KIFC3: variants seen among roughly 807,000 people sequenced by gnomAD.
The protein encoded by KIFC3 is kinesin-like protein KIFC3.
In KIFC3, 60 loss-of-function variants were observed where a neutral mutation model predicts 101.8. The ratio of observed to expected loss-of-function variants is 0.59; its 90% CI spans 0.48 to 0.73. The LOEUF is 0.73. KIFC3 is among the 30% of genes least tolerant of loss of function. The pLI, the probability that KIFC3 is intolerant of heterozygous loss-of-function variation, is 0.00. For synonymous variants in KIFC3, 476 were observed against 482.7 expected, an observed-to-expected ratio of 0.99 and a Z score of 0.18; for missense variants, 966 against 1,137.1, an observed-to-expected ratio of 0.85 and a Z score of 2.16.
At chr16:57,855,170 G>A (rs1168486412) in intron 1 of KIFC3, among the ~76,000 whole-genome samples, 1 of 145,450 alleles carries the variant, frequency 6.9e-6, no homozygotes, top group African/African-American at 2.6e-5. Context: ...TGTTGCCCAG[G>A]CTGGAGTGCA....
chr16:57,847,799 TGTGTGA>T (rs1383853779), intron 1 of KIFC3, among the ~76,000 whole-genome samples: 2 of 150,170 alleles, frequency 1.3e-5, no homozygotes, highest in South Asian at 2.1e-4. Context: ...TGTGTGTGTG[TGTGTGA>T]GACCGAGTCT....
rs533683940 is a variant in KIFC3 at position 57,758,705 on chromosome 16, A to G, written c.*229T>C. 2.0e-4 allele frequency: 156 copies of G among 763,144 alleles called. No homozygotes were observed. The highest frequency in any genetic ancestry group is 8.9e-4 in the Middle Eastern group (4 of 4,502). The allele number at this position is 763,144 out of a possible 1,614,324, so 47.3% of individuals were successfully genotyped here. A position where few individuals can be genotyped will look rare whatever the true frequency, so the allele number is the denominator to read the frequency against. On this transcript the variant is annotated 3_prime_UTR_variant, in exon 20 of 20. Coordinates refer to ENST00000445690, the MANE Select transcript of KIFC3 (RefSeq NM_001130100.2). ...CCACCCCCGCCTTTCCGCCCATGCA[A>G]TTTGCACTCAGAGCCACAGCCGAGA...
chr16:57,788,980 C>T (rs2053610253), intron 3 of KIFC3, among the ~76,000 whole-genome samples: 1 of 152,240 alleles, frequency 6.6e-6, no homozygotes, highest in Admixed American at 6.5e-5. Flanking sequence ...TTAGGTACTT[C>T]AAGTTCTCAG....
rs1555597185 is a variant in KIFC3, at chr16:57,761,233, G to A, written c.1873-62C>T. ...AGAATGGGGTCCTCAGAGTCACCTG[G>A]CCCCAAGCACCCATGAGGAGTGGCA... On this transcript the variant is annotated intron_variant, in intron 14 of 19. Coordinates refer to ENST00000445690, the MANE Select transcript of KIFC3 (RefSeq NM_001130100.2). The A allele has an allele frequency of 1.8e-5, 29 of 1,601,210 alleles. No individual in the cohort carries two copies. The East Asian group carries it at 6.5e-4, about 36-fold the overall frequency.
chr16:57,802,842 C>A, upstream of KIFC3: 1 of 976,110 alleles, frequency 1.0e-6, no homozygotes, highest in South Asian at 1.4e-5. This position sits in a 1 kb window ranked among gnomAD's most constrained non-coding sequence, Gnocchi z 5.0. Flanking sequence ...CGTACTTTTG[C>A]ACAGCCTCAA....
intron 2 of KIFC3, among the ~76,000 whole-genome samples, chr16:57,795,887 T>TTG (rs2054266197): frequency 3.1e-5 from 1 of 32,242 alleles, no homozygotes; most frequent in Non-Finnish European, 1.0e-4. Flanking sequence ...CTTTTTTGTT[T>TTG]TTTTTTTTTT....
At chr16:57,782,032 C>T (rs2052796733) in intron 3 of KIFC3, 5 of 985,284 alleles carry the variant, frequency 5.1e-6, no homozygotes, top group Non-Finnish European at 6.0e-6. Flanking sequence ...CAGAGTGTAC[C>T]CCCTGGCGGG....
At chr16:57,836,203 T>C (rs1289561534) in intron 1 of KIFC3, among the ~76,000 whole-genome samples, 1 of 152,182 alleles carries the variant, frequency 6.6e-6, no homozygotes. Context: ...AGCCTTGACC[T>C]TCCTGGGGTC....
At chr16:57,855,653 G>C (rs188228773) in intron 1 of KIFC3, among the ~76,000 whole-genome samples, 62 of 151,820 alleles carry the variant, frequency 4.1e-4, no homozygotes, top group Admixed American at 3.7e-3. Context: ...ATAACATTAA[G>C]AGCAGAACTT....
chr16:57,861,942 C>T (rs1249325386), intron 1 of KIFC3, among the ~76,000 whole-genome samples: 1 of 152,086 alleles, frequency 6.6e-6, no homozygotes, highest in Non-Finnish European at 1.5e-5. Context: ...AAGTGAAACT[C>T]TGCCTCAAAA....
At chr16:57,800,793 G>A (rs997569656) in intron 1 of KIFC3, among the ~76,000 whole-genome samples, 1 of 152,184 alleles carries the variant, frequency 6.6e-6, no homozygotes, top group Admixed American at 6.5e-5. Context: ...GGAATCTTAA[G>A]CCCAGGGTTC....
Position 57,839,180 on chromosome 16 carries a change from G to A in KIFC3, c.108+23549C>T, listed in dbSNP as rs2055754964. On this transcript the variant is annotated intron_variant, in intron 1 of 2. Coordinates refer to the KIFC3 transcript ENST00000563028. ...TGCACTTCAGCCTGAGTGACAGAGG[G>A]AGACCCTGTCTCTAAAAAAATTAAA... is the stretch of plus-strand genomic sequence containing the variant. 4.0e-5 allele frequency among the ~76,000 whole-genome samples: 6 copies of A among 151,554 alleles called. No homozygotes were observed. The South Asian group carries it at 1.0e-3, about 26-fold the overall frequency.
At chr16:57,853,412 C>T (rs1265032714) in intron 1 of KIFC3, among the ~76,000 whole-genome samples, 1 of 126,024 alleles carries the variant, frequency 7.9e-6, no homozygotes, top group African/African-American at 2.8e-5. Context: ...GAACAAGACT[C>T]CATCTCAAAA....
chr16:57,826,868 C>G (rs1036775418), intron 1 of KIFC3, among the ~76,000 whole-genome samples: 1 of 152,176 alleles, frequency 6.6e-6, no homozygotes, highest in Non-Finnish European at 1.5e-5. Context: ...CTCTGGACCT[C>G]GGACTCCCAG....
intron 3 of KIFC3, chr16:57,785,598 G>A (rs1003639854): frequency 3.8e-5 from 49 of 1,284,244 alleles, no homozygotes; most frequent in Middle Eastern, 4.3e-4. Flanking sequence ...ACCATCCTAA[G>A]CACCATGGGG....
chr16:57,819,864 A>C (rs891872465), intron 1 of KIFC3, among the ~76,000 whole-genome samples: 2 of 144,898 alleles, frequency 1.4e-5, no homozygotes, highest in African/African-American at 5.1e-5. Flanking sequence ...TGGCCCTTTT[A>C]TTTTTATTTT....
At chr16:57,800,699 A>AGAGGAAG (rs1235967205) in intron 1 of KIFC3, among the ~76,000 whole-genome samples, 1 of 152,226 alleles carries the variant, frequency 6.6e-6, no homozygotes, top group African/African-American at 2.4e-5. Context: ...TCGGGAAGAA[A>AGAGGAAG]GAGGAAGGGC....
intron 3 of KIFC3, among the ~76,000 whole-genome samples, chr16:57,794,232 CTTTT>C (rs2054117353): frequency 6.7e-6 from 1 of 148,182 alleles, no homozygotes; most frequent in Non-Finnish European, 1.5e-5. Flanking sequence ...TATCTTTTTT[CTTTT>C]CTTTTTTTTT....
Position 57,769,869 on chromosome 16 carries a change from G to A in KIFC3, c.1026C>T (p.Ala342=). 1.2e-6 allele frequency: 2 copies of A among 1,613,854 alleles called. No individual in the cohort carries two copies. Among genetic ancestry groups the A allele is most frequent in the Non-Finnish European group, 1.7e-6 (2 of 1,180,018 alleles). The part of the protein sequence containing the change: ...MQSLEEDKNR[A]IEEAFARAQV... ...GGGCTCTGGCAAAGGCCTCCTCAAT[G>A]GCCCGGTTCTTGTCCTCTTCCAGGG... The change falls in exon 8 of 20, where the codon GCC becomes GCT. Residue 342 remains alanine, a synonymous_variant. Coordinates refer to ENST00000445690, the MANE Select transcript of KIFC3 (RefSeq NM_001130100.2). The surrounding 1 kb of genome is among the most constrained non-coding windows in gnomAD (Gnocchi z 4.3).
Sources: gnomAD v4.1 joint callset for allele counts (sites outside exome capture counted in the v4.1 genomes callset) on GRCh38, gnomAD v4.1.1 for gene constraint, Gnocchi (gnomAD v3.1) non-coding constraint, MANE v1.5 for transcripts, NCBI Gene and HGNC (gene_info 2026-07-23, HGNC 2026-07-21) for gene names.